FGF13: variants seen among roughly 807,000 people sequenced by gnomAD.
FGF13 encodes fibroblast growth factor homologous factor 2.
In FGF13, 2 loss-of-function variants were observed where a neutral mutation model predicts 19.5. The ratio of observed to expected loss-of-function variants is 0.10; its 90% CI spans 0.04 to 0.32. The LOEUF (loss-of-function observed/expected upper bound fraction) is 0.32, where lower values mean the gene tolerates loss of function less well. Ranked by LOEUF, FGF13 falls within the 10% of genes least tolerant of loss-of-function variation. The pLI is 1.00. For missense variants in FGF13, 113 were observed against 192.7 expected (o/e 0.59, Z 2.45); for synonymous variants, 72 against 76.9 (o/e 0.94, Z 0.33).
intron 3 of FGF13, among the ~76,000 whole-genome samples, chrX:138,811,476 A>G (rs1675756047): frequency 2.7e-5 from 3 of 110,714 alleles, no homozygotes; most frequent in Admixed American, 9.7e-5. Flanking sequence ...GGATAGCATT[A>G]GGAGATATAC....
intron 3 of FGF13, among the ~76,000 whole-genome samples, chrX:138,776,403 T>C (rs957019753): frequency 1.8e-5 from 2 of 112,049 alleles, no homozygotes; most frequent in African/African-American, 6.5e-5. Flanking sequence ...ACTTATACCA[T>C]ATTAAATGCA....
chrX:138,752,849 A>T (rs1361836776), intron 3 of FGF13, among the ~76,000 whole-genome samples: 4 of 112,125 alleles, frequency 3.6e-5, no homozygotes, highest in Non-Finnish European at 7.5e-5. Context: ...TTTTCCAGAC[A>T]TTTATCTCTG....
At chrX:139,089,917 C>A (rs780201092) in intron 1 of FGF13, among the ~76,000 whole-genome samples, 13 of 111,149 alleles carry the variant, frequency 1.2e-4, no homozygotes, top group East Asian at 2.8e-4. Flanking sequence ...TAACTCACTG[C>A]GGCCTTGAAC....
rs151102165 is a variant in FGF13, at chrX:139,162,901, A to G, written c.-113+40515T>C. Among the ~76,000 whole-genome samples, 627 of 112,167 alleles carry G rather than the reference A, an allele frequency of 5.6e-3. 2 individuals are homozygous for G. Among genetic ancestry groups the G allele is most frequent in the African/African-American group, 0.019 (588 of 30,880 alleles). ...AAAAAGTCAGGAAACAACAGATGCT[A>G]CAGAGGATGTGGAGAAATAGGAATG... is the stretch of plus-strand genomic sequence containing the variant. On this transcript the variant is annotated intron_variant, in intron 1 of 2. Coordinates refer to the FGF13 transcript ENST00000421460.
At chrX:138,692,063 G>A (rs2089843495) in intron 3 of FGF13, among the ~76,000 whole-genome samples, 1 of 111,052 alleles carries the variant, frequency 9.0e-6, no homozygotes, top group Non-Finnish European at 1.9e-5. Context: ...TTTTTCTTGT[G>A]TCTCAGTAAT....
At chrX:138,637,793 G>GA (rs1192256196) in intron 3 of FGF13, among the ~76,000 whole-genome samples, 2 of 111,959 alleles carry the variant, frequency 1.8e-5, no homozygotes, top group African/African-American at 6.5e-5. Context: ...TATGAAAACA[G>GA]AAAAAGCCAG....
chrX:138,950,915 C>T (rs2091807840), intron 1 of FGF13, among the ~76,000 whole-genome samples: 1 of 111,206 alleles, frequency 9.0e-6, no homozygotes, highest in African/African-American at 3.3e-5. Flanking sequence ...GCACTAAAAA[C>T]TCTTGGTGAA....
chrX:138,633,347 T>C (rs371037442), intron 4 of FGF13, among the ~76,000 whole-genome samples: 3 of 111,345 alleles, frequency 2.7e-5, no homozygotes, highest in African/African-American at 9.8e-5. Flanking sequence ...AAGGACTCAG[T>C]AGAGAGTGGA....
chrX:139,068,919 T>C (rs2092366614), intron 1 of FGF13, among the ~76,000 whole-genome samples: 1 of 110,542 alleles, frequency 9.0e-6, no homozygotes. Flanking sequence ...TGACATACCA[T>C]CTCACACCAG....
At chrX:138,665,347 A>T (rs1281830061) in intron 3 of FGF13, among the ~76,000 whole-genome samples, 1 of 111,435 alleles carries the variant, frequency 9.0e-6, no homozygotes, top group Admixed American at 9.6e-5. Flanking sequence ...TGACTGTGTA[A>T]TTAAGTTACT....
chrX:139,007,329 T>C, intron 1 of FGF13, among the ~76,000 whole-genome samples: 1 of 110,891 alleles, frequency 9.0e-6, no homozygotes, highest in Middle Eastern at 4.7e-3. Flanking sequence ...TATAGAACAC[T>C]GGACCACCCA....
chrX:138,805,843 C>T (rs973457310), intron 3 of FGF13, among the ~76,000 whole-genome samples: 1 of 110,946 alleles, frequency 9.0e-6, no homozygotes, highest in African/African-American at 3.3e-5. Flanking sequence ...CCTTGATTAA[C>T]TCCCCCTTTT....
At chrX:139,107,855 T>C (rs1293298940) in intron 1 of FGF13, among the ~76,000 whole-genome samples, 3 of 110,116 alleles carry the variant, frequency 2.7e-5, no homozygotes, top group Non-Finnish European at 5.7e-5. Context: ...AATTAATTCA[T>C]GAAAATACTG....
At chrX:138,965,935 C>T (rs1416642511) in intron 1 of FGF13, among the ~76,000 whole-genome samples, 1 of 112,338 alleles carries the variant, frequency 8.9e-6, no homozygotes, top group Non-Finnish European at 1.9e-5. Context: ...TTTGATATAT[C>T]AAATCTATCA....
At chrX:139,051,982 A>C (rs933458852) in intron 1 of FGF13, among the ~76,000 whole-genome samples, 7 of 112,553 alleles carry the variant, frequency 6.2e-5, no homozygotes, top group Non-Finnish European at 1.3e-4. Flanking sequence ...GTTTAGCAGA[A>C]GTTGCTTTAT....
intron 1 of FGF13, among the ~76,000 whole-genome samples, chrX:138,906,829 C>T (rs2091561153): frequency 9.0e-6 from 1 of 111,086 alleles, no homozygotes; most frequent in South Asian, 3.9e-4. Flanking sequence ...TTTAGTTGCC[C>T]AGGGATGTGC....
At chrX:138,887,555 G>C (rs2091456836) in intron 1 of FGF13, among the ~76,000 whole-genome samples, 1 of 111,416 alleles carries the variant, frequency 9.0e-6, no homozygotes. Flanking sequence ...CCAGCATTGT[G>C]ACACAGATAA....
intron 1 of FGF13, among the ~76,000 whole-genome samples, chrX:139,185,608 G>C (rs1003884174): frequency 2.1e-4 from 24 of 111,644 alleles, no homozygotes; most frequent in African/African-American, 6.5e-4. Flanking sequence ...CCCCACTGAA[G>C]CTGGTGTGGG....
chrX:139,096,813 T>A (rs764990437), intron 1 of FGF13, among the ~76,000 whole-genome samples: 35 of 111,640 alleles, frequency 3.1e-4, no homozygotes, highest in Non-Finnish European at 5.6e-4. Flanking sequence ...AGAAAAAAAA[T>A]TTTTTAATTG....
Sources: gnomAD v4.1 joint callset for allele counts (sites outside exome capture counted in the v4.1 genomes callset) on GRCh38, gnomAD v4.1.1 for gene constraint, MANE v1.5 for transcripts, NCBI Gene and HGNC (gene_info 2026-07-23, HGNC 2026-07-21) for gene names.